DHRS7C: variants seen among roughly 807,000 people sequenced by gnomAD.
DHRS7C encodes the protein dehydrogenase/reductase SDR family member 7C.
DHRS7C carries 28 observed loss-of-function variants against 29.6 expected under a neutral mutation model. The ratio of observed to expected loss-of-function variants is 0.95; its 90% CI spans 0.70 to 1.30. The LOEUF (loss-of-function observed/expected upper bound fraction) is 1.30, where lower values mean the gene tolerates loss of function less well. Among genes scored for constraint, DHRS7C ranks in the 50% most tolerant of loss-of-function variants. The pLI, the probability that DHRS7C is intolerant of heterozygous loss-of-function variation, is 0.00. For missense variants in DHRS7C, 403 were observed against 393.3 expected (o/e 1.02, Z -0.21); for synonymous variants, 158 against 160.2 (o/e 0.99, Z 0.10).
intron 1 of DHRS7C, among the ~76,000 whole-genome samples, chr17:9,787,430 G>A (rs1374229906): frequency 6.6e-6 from 1 of 152,180 alleles, no homozygotes; most frequent in South Asian, 2.1e-4. Context: ...GAGCCCAGTG[G>A]CGTGCTCAGT....
intron 1 of DHRS7C, among the ~76,000 whole-genome samples, chr17:9,784,085 G>T (rs758338145): frequency 6.6e-6 from 1 of 151,760 alleles, no homozygotes; most frequent in Non-Finnish European, 1.5e-5. Context: ...AGATAGAGAT[G>T]AATATATACC....
intron 4 of DHRS7C, among the ~76,000 whole-genome samples, chr17:9,776,412 G>A (rs2066362920): frequency 6.6e-6 from 1 of 152,162 alleles, no homozygotes. Context: ...TGTTGTGTAA[G>A]CCCCAGACTT....
At position 9,775,856 on chromosome 17, in the gene DHRS7C, TG is replaced by T. The variant is rs2066359199; in HGVS notation, c.571+1336del. Among the ~76,000 whole-genome samples, 1 of 152,192 alleles carries T rather than the reference TG, an allele frequency of 6.6e-6. No individual in the cohort carries two copies. The highest frequency in any genetic ancestry group is 2.4e-5 in the African/African-American group (1 of 41,452). On this transcript the variant is annotated intron_variant, in intron 4 of 5. Transcript: ENST00000571134. This position sits in a 1 kb window ranked among gnomAD's most constrained non-coding sequence, Gnocchi z 4.2. ...ATTTAAAGAGGTGATTAATATAAAA[TG>T]AGGGCATTAGGCTGCGTCCTACTCT...
chr17:9,780,232 C>G (rs1056013415), intron 2 of DHRS7C, among the ~76,000 whole-genome samples, 197 bp from the exon 3 acceptor site: 5 of 151,614 alleles, frequency 3.3e-5, no homozygotes, highest in African/African-American at 1.2e-4. Context: ...GGGACCAGGG[C>G]AAAAACAACA....
chr17:9,777,621 T>C (rs1476968663), intron 3 of DHRS7C, among the ~76,000 whole-genome samples: 3 of 152,164 alleles, frequency 2.0e-5, no homozygotes, highest in Admixed American at 1.3e-4. Context: ...CGTGCAGATT[T>C]GTCACATGGG....
intron 1 of DHRS7C, chr17:9,785,236 G>A (rs2066416974): frequency 1.3e-5 from 2 of 152,268 alleles, no homozygotes; most frequent in Non-Finnish European, 2.9e-5. Flanking sequence ...AGGATCGCCT[G>A]GAAAGAATGT....
At position 9,779,966 on chromosome 17, in the gene DHRS7C, C is replaced by T. The variant is rs865833535; in HGVS notation, c.337G>A (p.Val113Ile). ...TCCACACAGCCATAGCAATCCAGGA[C>T]TTCTTTTGCCACATCTGGGACACAG... Reference protein sequence around the residue: ...ISCVPDVAKEVLDCYGCVDIL... With the variant: ...ISCVPDVAKEILDCYGCVDIL... Residue 113 changes from valine (V) to isoleucine (I), a missense_variant, in exon 3 of 6, where the codon GTC becomes ATC. By Grantham distance (29) the Val-to-Ile change is conservative. Transcript: ENST00000571134. The T allele has an allele frequency of 2.5e-6, 4 of 1,613,968 alleles. No individual in the cohort carries two copies. The highest frequency in any genetic ancestry group is 2.5e-6 in the Non-Finnish European group (3 of 1,179,886).
rs1454314506 is a variant in DHRS7C at position 9,774,378 on chromosome 17, G to A, written c.572-1456C>T. Among the ~76,000 whole-genome samples, 9 of 152,114 alleles carry A rather than the reference G, an allele frequency of 5.9e-5. No homozygotes were observed. Among genetic ancestry groups the A allele is most frequent in the African/African-American group, 1.4e-4 (6 of 41,418 alleles). On this transcript the variant is annotated intron_variant, in intron 4 of 5. Coordinates refer to ENST00000571134, the MANE Select transcript of DHRS7C (RefSeq NM_001105571.3). The surrounding 1 kb of genome is among the most constrained non-coding windows in gnomAD (Gnocchi z 5.0). ...CAGCTCACTGCAATCTCTGCCTCCC[G>A]GGCTCAAGCAATTCTCCAGCCTTAG... is the stretch of plus-strand genomic sequence containing the variant.
In DHRS7C at chr17:9,791,321, C is replaced by T; in HGVS notation, c.-37G>A. On this transcript the variant is annotated 5_prime_UTR_variant, in exon 1 of 6. Coordinates refer to ENST00000571134, the MANE Select transcript of DHRS7C (RefSeq NM_001105571.3). ...GGACAACGGAGTAAAAGGGGATTGG[C>T]TTTGCAAAGAGACGCTGATCAGGAC... The T allele has an allele frequency of 6.2e-7, 1 of 1,606,868 alleles. No individual in the cohort carries two copies. The highest frequency in any genetic ancestry group is 1.1e-5 in the South Asian group (1 of 89,118).
rs116299188 is a variant in DHRS7C at position 9,781,790 on chromosome 17, G to A, written c.155-196C>T. 9.2e-3 allele frequency among the ~76,000 whole-genome samples: 1,401 copies of A among 152,264 alleles called. 15 individuals carry two copies. Among genetic ancestry groups the A allele is most frequent in the African/African-American group, 0.028 (1,150 of 41,550 alleles). ...TTCCAGCCTCTGCTTAGTTGCTTCC[G>A]TGAAAGTGAGCTCATAGTGGAGTGA... On this transcript the variant is annotated intron_variant, in intron 1 of 5. Transcript: ENST00000571134.
intron 3 of DHRS7C, among the ~76,000 whole-genome samples, chr17:9,778,798 G>C (rs553744034): frequency 2.6e-5 from 4 of 152,312 alleles, no homozygotes; most frequent in South Asian, 4.1e-4. Context: ...TGCAAGATCA[G>C]GCTAGATCTC....
At chr17:9,779,115 G>C (rs1293394006) in intron 3 of DHRS7C, among the ~76,000 whole-genome samples, 1 of 152,000 alleles carries the variant, frequency 6.6e-6, no homozygotes, top group Non-Finnish European at 1.5e-5. Context: ...TCACCATGTT[G>C]GCCAGGCTGG....
At chr17:9,778,706 G>A (rs1430830188) in intron 3 of DHRS7C, among the ~76,000 whole-genome samples, 3 of 152,102 alleles carry the variant, frequency 2.0e-5, no homozygotes, top group Non-Finnish European at 1.5e-5. Context: ...CCCCAAATGC[G>A]TCTTTCTCTT....
chr17:9,779,832 C>T lies in DHRS7C; in HGVS notation c.471G>A (p.Leu157=). 3 of 1,612,208 alleles carry T rather than the reference C, an allele frequency of 1.9e-6. No individual in the cohort carries two copies. The highest frequency in any genetic ancestry group is 1.3e-5 in the African/African-American group (1 of 75,020). ...AAGTCAAACTCACGAGACCTTTCGTCAATGTGATGGGGCCAAAGTAATTGG... is the reference window on the plus strand; with the variant it reads ...AAGTCAAACTCACGAGACCTTTCGTTAATGTGATGGGGCCAAAGTAATTGG... ...MDANYFGPIT[L]TKALLPNMIS... Residue 157 remains leucine, a synonymous_variant, in exon 3 of 6, where the codon TTG becomes TTA. Transcript: ENST00000571134.
intron 2 of DHRS7C, 114 bp from the exon 3 acceptor site, chr17:9,780,149 C>T: frequency 1.3e-6 from 1 of 782,270 alleles, no homozygotes; most frequent in Non-Finnish European, 1.9e-6. Context: ...AATGAAATGA[C>T]TGAAAAAAAA....
chr17:9,789,776 G>A lies in DHRS7C; in HGVS notation c.154+1355C>T, dbSNP rs1048313723. Among the ~76,000 whole-genome samples the A allele has an allele frequency of 3.5e-4, 54 of 152,148 alleles. 2 individuals carry two copies. The highest frequency in any genetic ancestry group is 1.2e-3 in the African/African-American group (48 of 41,426). On this transcript the variant is annotated intron_variant, in intron 1 of 5. Coordinates refer to ENST00000571134, the MANE Select transcript of DHRS7C (RefSeq NM_001105571.3). ...AGCCTTCTGTTCTGAATAGCTTTAG[G>A]TGGGCATCTCTTTTCCAGCTCTCCA...
intron 1 of DHRS7C, among the ~76,000 whole-genome samples, chr17:9,783,599 G>C (rs1342452833): frequency 6.6e-6 from 1 of 152,220 alleles, no homozygotes; most frequent in Non-Finnish European, 1.5e-5. Flanking sequence ...ATAATAAATA[G>C]AGTCAGGTAT....
chr17:9,790,172 C>T (rs1360842569), intron 1 of DHRS7C, among the ~76,000 whole-genome samples: 2 of 151,898 alleles, frequency 1.3e-5, no homozygotes, highest in Admixed American at 6.6e-5. Flanking sequence ...AAGTGCCCAG[C>T]CCCCCAGAGG....
chr17:9,771,768 C>T, intron 5 of DHRS7C, 72 bp from the exon 6 acceptor site: 1 of 1,293,740 alleles, frequency 7.7e-7, no homozygotes, highest in Non-Finnish European at 9.9e-7. Context: ...CCTGCACATG[C>T]ACAAAGGCTG....
Sources: allele counts gnomAD v4.1 joint callset (sites outside exome capture counted in the v4.1 genomes callset), GRCh38; gene constraint gnomAD v4.1.1; non-coding constraint Gnocchi (gnomAD v3.1); transcripts MANE v1.5; gene names NCBI Gene and HGNC (gene_info 2026-07-23, HGNC 2026-07-21).